The following MBD5 variants were observed in gnomAD, a reference collection of about 807,000 sequenced individuals.
MBD5 encodes methyl-CpG-binding domain protein 5.
A neutral mutation model predicts 117.3 loss-of-function variants in MBD5; 13 were observed. The observed-to-expected ratio is 0.11, with a 90% CI of 0.07 to 0.18. The LOEUF (loss-of-function observed/expected upper bound fraction) is 0.18, where lower values mean the gene tolerates loss of function less well. Ranked by LOEUF, MBD5 falls within the 10% of genes least tolerant of loss-of-function variation. The probability of loss-of-function intolerance (pLI) is 1.00; values close to 1 mark genes in which losing one functional copy is unlikely to be tolerated. For synonymous variants in MBD5, 727 were observed against 766.4 expected, an observed-to-expected ratio of 0.95 and a Z score of 0.85; for missense variants, 1,879 against 2,093.8, an observed-to-expected ratio of 0.90 and a Z score of 2.00.
intron 4 of MBD5, among the ~76,000 whole-genome samples, chr2:148,390,036 A>G (rs1704517875): frequency 6.6e-6 from 1 of 152,184 alleles, no homozygotes; most frequent in African/African-American, 2.4e-5. Context: ...GTTTTCTTCT[A>G]GAATTTCTAG....
At chr2:148,436,090 C>G (rs1449432164) in intron 4 of MBD5, among the ~76,000 whole-genome samples, 2 of 152,096 alleles carry the variant, frequency 1.3e-5, no homozygotes, top group Non-Finnish European at 2.9e-5. Flanking sequence ...ACCTATAGAC[C>G]AGCAATGTTT....
intron 9 of MBD5, 36 bp from the exon 10 acceptor site, chr2:148,485,706 C>A: frequency 1.4e-6 from 2 of 1,477,838 alleles, no homozygotes; most frequent in South Asian, 1.2e-5. Context: ...TCCGAAGAAT[C>A]ACATTTATTT....
intron 3 of MBD5, among the ~76,000 whole-genome samples, chr2:148,327,205 T>C (rs1443602845): frequency 2.0e-5 from 3 of 152,152 alleles, no homozygotes; most frequent in Non-Finnish European, 4.4e-5. Context: ...CCGAGAGATC[T>C]GCTGTTAGTC....
intron 3 of MBD5, among the ~76,000 whole-genome samples, chr2:148,284,794 AT>A (rs1368019801): frequency 6.6e-6 from 1 of 152,130 alleles, no homozygotes; most frequent in Non-Finnish European, 1.5e-5. Flanking sequence ...TGTTCTATCA[AT>A]TTTAATATAT....
chr2:148,434,211 G>T (rs918665295), intron 4 of MBD5, among the ~76,000 whole-genome samples: 1 of 151,854 alleles, frequency 6.6e-6, no homozygotes, highest in Admixed American at 6.6e-5. Context: ...TTTCTGTGGT[G>T]TCGGTAGTAA....
intron 2 of MBD5, among the ~76,000 whole-genome samples, chr2:148,209,294 G>A (rs537284835): frequency 6.6e-6 from 1 of 152,164 alleles, no homozygotes; most frequent in East Asian, 1.9e-4. Context: ...ATGCAATAAT[G>A]TTACGAGGTG....
intron 4 of MBD5, among the ~76,000 whole-genome samples, chr2:148,368,230 A>G (rs1435834310): frequency 6.6e-6 from 1 of 152,156 alleles, no homozygotes; most frequent in African/African-American, 2.4e-5. Context: ...ACAGAAACAG[A>G]AAACCAAACA....
At chr2:148,111,537 T>A (rs1490870119) in intron 1 of MBD5, among the ~76,000 whole-genome samples, 2 of 152,190 alleles carry the variant, frequency 1.3e-5, no homozygotes, top group Non-Finnish European at 2.9e-5. Context: ...TAGGACACTT[T>A]GCAGGCAAAT....
At chr2:148,171,088 T>G (rs780845641) in intron 1 of MBD5, among the ~76,000 whole-genome samples, 1 of 152,142 alleles carries the variant, frequency 6.6e-6, no homozygotes, top group Non-Finnish European at 1.5e-5. Flanking sequence ...CTTCTCAAAC[T>G]CTTCCAAAAA....
intron 1 of MBD5, among the ~76,000 whole-genome samples, chr2:148,037,856 A>C (rs1207998990): frequency 6.6e-6 from 1 of 152,022 alleles, no homozygotes; most frequent in East Asian, 1.9e-4. Flanking sequence ...TATGGAGCTT[A>C]TAGTCTTTCC....
At chr2:148,301,177 T>TTAAC (rs1701770168) in intron 3 of MBD5, among the ~76,000 whole-genome samples, 2 of 152,062 alleles carry the variant, frequency 1.3e-5, no homozygotes, top group African/African-American at 4.8e-5. Flanking sequence ...AGAATATGAG[T>TTAAC]TAACTGAGTC....
intron 8 of MBD5, among the ~76,000 whole-genome samples, chr2:148,473,318 A>G (rs183069160): frequency 2.0e-5 from 3 of 152,276 alleles, no homozygotes; most frequent in Admixed American, 6.5e-5. Context: ...CACTCAAATT[A>G]GAATGGGTTT....
At chr2:148,445,284 CG>C (rs908786623) in intron 4 of MBD5, among the ~76,000 whole-genome samples, 24 of 151,088 alleles carry the variant, frequency 1.6e-4, no homozygotes, top group Admixed American at 2.6e-4. Flanking sequence ...TATCCCTCCC[CG>C]CTCCCCCCAC....
chr2:148,185,256 C>A (rs1448129026), intron 2 of MBD5, among the ~76,000 whole-genome samples: 2 of 152,196 alleles, frequency 1.3e-5, no homozygotes, highest in Non-Finnish European at 2.9e-5. Flanking sequence ...TCAAAATTGT[C>A]CTTTTTCACC....
intron 1 of MBD5, among the ~76,000 whole-genome samples, chr2:148,070,703 G>A (rs1233531791): frequency 1.3e-5 from 2 of 152,058 alleles, no homozygotes; most frequent in Non-Finnish European, 2.9e-5. Flanking sequence ...TTATAGAAAA[G>A]CCTGGCAACT....
At chr2:148,280,131 C>CAAAAAAAAAAAAAAAAAAAAAAAAAAAGA (rs3076398) in intron 3 of MBD5, among the ~76,000 whole-genome samples, 1 of 91,886 alleles carries the variant, frequency 1.1e-5, no homozygotes, top group Non-Finnish European at 2.2e-5. Flanking sequence ...AAACTAACTG[C>CAAAAAAAAAAAAAAAAAAAAAAAAAAAGA]AAAAAAAAAA....
intron 4 of MBD5, among the ~76,000 whole-genome samples, chr2:148,383,182 A>G (rs569813060): frequency 6.6e-6 from 1 of 152,268 alleles, no homozygotes; most frequent in East Asian, 1.9e-4. Flanking sequence ...TTTTTTGAAA[A>G]GATCACCAAA....
intron 4 of MBD5, among the ~76,000 whole-genome samples, chr2:148,435,592 G>A (rs1389323125): frequency 6.6e-6 from 1 of 152,092 alleles, no homozygotes; most frequent in Non-Finnish European, 1.5e-5. Flanking sequence ...GGTTTGTAGG[G>A]TTTCTGCTGA....
chr2:148,225,508 GTTATAATA>G (rs1454748277), intron 2 of MBD5, among the ~76,000 whole-genome samples: 1 of 152,066 alleles, frequency 6.6e-6, no homozygotes, highest in East Asian at 1.9e-4. Context: ...CAGTTACAGT[GTTATAATA>G]TTCTGTGTTT....
Sources: allele counts gnomAD v4.1 joint callset (sites outside exome capture counted in the v4.1 genomes callset), GRCh38; gene constraint gnomAD v4.1.1; transcripts MANE v1.5; gene names NCBI Gene and HGNC (gene_info 2026-07-23, HGNC 2026-07-21).